Variants in FRMD4A observed in about 807,000 individuals in gnomAD.
FRMD4A encodes the protein FERM domain containing 4A, also known as FERM domain-containing protein 4A.
FRMD4A carries 29 observed loss-of-function variants against 129.1 expected under a neutral mutation model. The ratio of observed to expected loss-of-function variants is 0.22; its 90% CI spans 0.17 to 0.31. The LOEUF is 0.31. Among genes scored for constraint, FRMD4A ranks in the 10% least tolerant of loss-of-function variants. The pLI is 1.00. For missense variants in FRMD4A, 1,272 were observed against 1,375.8 expected, an observed-to-expected ratio of 0.92 and a Z score of 1.19; for synonymous variants, 634 against 571.6, an observed-to-expected ratio of 1.11 and a Z score of -1.56.
At position 14,330,199 on chromosome 10, in the gene FRMD4A, C is replaced by G; in HGVS notation, c.-81-16G>C. ...CCAAAAGCACCTGCAGAAAAAGCAG[C>G]CAAAATCCAGACTTAGGGAGCAAAA... On this transcript the variant is annotated splice_polypyrimidine_tract_variant and intron_variant, in intron 1 of 24. Coordinates refer to ENST00000357447, the MANE Select transcript of FRMD4A (RefSeq NM_018027.5). The G allele has an allele frequency of 7.7e-7, 1 of 1,291,324 alleles. No individual in the cohort carries two copies. Among genetic ancestry groups the G allele is most frequent in the Non-Finnish European group, 1.1e-6 (1 of 917,138 alleles). The allele number at this position is 1,291,324 out of a possible 1,614,324, so 80.0% of individuals were successfully genotyped here.
At chr10:14,168,573 A>T (rs751820492) in intron 2 of FRMD4A, among the ~76,000 whole-genome samples, 1 of 152,220 alleles carries the variant, frequency 6.6e-6, no homozygotes, top group African/African-American at 2.4e-5. Flanking sequence ...AAGATAGGTC[A>T]TCTGCTATTC....
chr10:13,804,523 T>TTCTTTCTTTC (rs1554907205), intron 4 of FRMD4A, among the ~76,000 whole-genome samples: 1 of 146,666 alleles, frequency 6.8e-6, no homozygotes, highest in African/African-American at 2.6e-5. Flanking sequence ...AGTCAGGACT[T>TTCTTTCTTTC]TTTCTTTCTT....
At chr10:14,019,272 G>A (rs1832622654) in intron 2 of FRMD4A, among the ~76,000 whole-genome samples, 1 of 152,170 alleles carries the variant, frequency 6.6e-6, no homozygotes, top group Non-Finnish European at 1.5e-5. Flanking sequence ...ACCAAATTGA[G>A]AGGAGTTACA....
chr10:14,251,701 C>T (rs566201676), intron 2 of FRMD4A, among the ~76,000 whole-genome samples: 1 of 152,298 alleles, frequency 6.6e-6, no homozygotes, highest in South Asian at 2.1e-4. Context: ...CTTTGAGTGG[C>T]TCAGGGTTTA....
At chr10:14,005,210 G>A (rs1316816307) in intron 2 of FRMD4A, among the ~76,000 whole-genome samples, 2 of 152,182 alleles carry the variant, frequency 1.3e-5, no homozygotes, top group Admixed American at 6.5e-5. Context: ...TTTTAGTACA[G>A]ACAGGGTTTC....
At chr10:13,750,919 A>C (rs2091592182) in intron 8 of FRMD4A, among the ~76,000 whole-genome samples, 1 of 152,180 alleles carries the variant, frequency 6.6e-6, no homozygotes, top group African/African-American at 2.4e-5. Context: ...CAAACACTCG[A>C]GGGCCCACAC....
chr10:13,914,253 C>T (rs753723574), intron 2 of FRMD4A, among the ~76,000 whole-genome samples: 5 of 152,160 alleles, frequency 3.3e-5, no homozygotes, highest in South Asian at 2.1e-4. Flanking sequence ...AAGATGAAAA[C>T]GTATACTCTT....
intron 2 of FRMD4A, among the ~76,000 whole-genome samples, chr10:14,260,598 C>A (rs1844768200): frequency 6.6e-6 from 1 of 152,104 alleles, no homozygotes; most frequent in African/African-American, 2.4e-5. Flanking sequence ...ATAACTGAAG[C>A]CTGAGCAATC....
chr10:14,082,871 G>A (rs941196364), intron 2 of FRMD4A: 4 of 152,186 alleles, frequency 2.6e-5, no homozygotes, highest in African/African-American at 9.7e-5. Context: ...TTACAAGAAT[G>A]TTCACTATTT....
At chr10:13,771,151 T>C (rs1297919481) in intron 6 of FRMD4A, among the ~76,000 whole-genome samples, 1 of 152,184 alleles carries the variant, frequency 6.6e-6, no homozygotes, top group East Asian at 1.9e-4. Context: ...CCTAGCTCAC[T>C]TCAGCCTCGA....
Position 14,008,290 on chromosome 10 carries a change from G to A in FRMD4A, c.46-149378C>T, listed in dbSNP as rs188512852. The stretch of plus-strand genomic sequence containing the variant: ...GAGGGTTCCCAAATATCAAATAACT[G>A]AAAGAGTTTTTCTTTCGACCATCTG... On this transcript the variant is annotated intron_variant, in intron 2 of 24. Transcript: ENST00000357447. 630 of 1,037,466 alleles carry A rather than the reference G, an allele frequency of 6.1e-4. 6 individuals carry two copies. In the African/African-American group the frequency reaches 1.0e-2, roughly 16 times the overall value. The allele number at this position is 1,037,466 out of a possible 1,614,324, so 64.3% of individuals were successfully genotyped here. A position where few individuals can be genotyped will look rare whatever the true frequency, so the allele number is the denominator to read the frequency against.
intron 2 of FRMD4A, among the ~76,000 whole-genome samples, chr10:13,955,111 G>T (rs370198576): frequency 5.1e-4 from 17 of 33,084 alleles, no homozygotes; most frequent in African/African-American, 1.6e-3. Flanking sequence ...TAATAATTCT[G>T]CTTTTTTTTT....
intron 2 of FRMD4A, among the ~76,000 whole-genome samples, chr10:14,004,305 G>C (rs1453208674): frequency 6.6e-6 from 1 of 152,182 alleles, no homozygotes; most frequent in Non-Finnish European, 1.5e-5. Flanking sequence ...CACTTTGGGA[G>C]GCCAAGGCAG....
intron 2 of FRMD4A, among the ~76,000 whole-genome samples, chr10:14,279,334 C>T (rs1845444355): frequency 6.6e-6 from 1 of 151,700 alleles, no homozygotes; most frequent in Non-Finnish European, 1.5e-5. Flanking sequence ...TTACAGGTGC[C>T]CACCACCATA....
intron 2 of FRMD4A, among the ~76,000 whole-genome samples, chr10:14,213,186 G>A (rs1235347245): frequency 1.3e-5 from 2 of 152,208 alleles, no homozygotes; most frequent in African/African-American, 2.4e-5. Context: ...GCAGGCTGCA[G>A]TGAGCTATGA....
chr10:14,260,472 C>T (rs59141388), intron 2 of FRMD4A, among the ~76,000 whole-genome samples: 41 of 152,328 alleles, frequency 2.7e-4, no homozygotes, highest in African/African-American at 9.1e-4. Flanking sequence ...AGGGTTCACA[C>T]ACAGACCCAA....
At chr10:14,261,834 T>A (rs1844811513) in intron 2 of FRMD4A, among the ~76,000 whole-genome samples, 1 of 152,082 alleles carries the variant, frequency 6.6e-6, no homozygotes, top group South Asian at 2.1e-4. Context: ...GGTCTCTTAA[T>A]ACTTACTCTA....
intron 2 of FRMD4A, among the ~76,000 whole-genome samples, chr10:14,308,100 A>G (rs1846413389): frequency 6.6e-6 from 1 of 152,368 alleles, no homozygotes; most frequent in Admixed American, 6.5e-5. Context: ...AGTCTTTCAA[A>G]CAAAGGAGGA....
intron 4 of FRMD4A, among the ~76,000 whole-genome samples, chr10:13,809,554 G>T (rs2093411922): frequency 6.6e-6 from 1 of 152,164 alleles, no homozygotes; most frequent in Admixed American, 6.5e-5. Flanking sequence ...TCCCCGCACA[G>T]CCCTGAACCT....
Sources: gnomAD v4.1 joint callset for allele counts (sites outside exome capture counted in the v4.1 genomes callset) on GRCh38, gnomAD v4.1.1 for gene constraint, MANE v1.5 for transcripts, NCBI Gene and HGNC (gene_info 2026-07-23, HGNC 2026-07-21) for gene names.